MYO9A: variants seen among roughly 807,000 people sequenced by gnomAD.
MYO9A encodes the protein myosin IXA, also known as unconventional myosin-IXa.
In MYO9A, 103 loss-of-function variants were observed where a neutral mutation model predicts 293.3. That is an observed-to-expected ratio of 0.35 (90% confidence interval 0.30 to 0.41). MYO9A has a LOEUF of 0.41. MYO9A is among the 10% of genes least tolerant of loss of function. The probability of loss-of-function intolerance (pLI) is 1.00; values close to 1 mark genes in which losing one functional copy is unlikely to be tolerated. For synonymous variants in MYO9A, 1,001 were observed against 1,035.7 expected, an observed-to-expected ratio of 0.97 and a Z score of 0.64; for missense variants, 2,685 against 3,033.0, an observed-to-expected ratio of 0.89 and a Z score of 2.69.
chr15:71,893,719 G>T lies in MYO9A; in HGVS notation c.5102C>A (p.Ala1701Glu). Residue 1701 changes from alanine to glutamate, a missense_variant, in exon 26 of 42, where the codon GCA (alanine) becomes GAA (glutamate). Physicochemically the swap from Ala to Glu is moderately radical, Grantham distance 107 (BLOSUM62 -1). Transcript: ENST00000356056. Reference protein sequence around the residue: ...NPQLHKEDEPAWKPVKLAGPG... With the variant: ...NPQLHKEDEPEWKPVKLAGPG... ...CCCAGCTAACTTCACAGGTTTCCAT[G>T]CTGGTTCATCTTCTTTATGGAGTTG... is the stretch of plus-strand genomic sequence containing the variant. 1 of 1,613,956 alleles carries T rather than the reference G, an allele frequency of 6.2e-7. No homozygotes were observed. The highest frequency in any genetic ancestry group is 8.5e-7 in the Non-Finnish European group (1 of 1,179,922).
chr15:72,076,735 G>A (rs2079364246), intron 1 of MYO9A, among the ~76,000 whole-genome samples: 2 of 152,086 alleles, frequency 1.3e-5, no homozygotes, highest in African/African-American at 4.8e-5. Flanking sequence ...TGTGAATATT[G>A]ACAAACTTAT....
intron 9 of MYO9A, among the ~76,000 whole-genome samples, chr15:71,995,509 G>A (rs1259254046): frequency 6.8e-6 from 1 of 147,044 alleles, no homozygotes; most frequent in Non-Finnish European, 1.5e-5. Context: ...CTGTAAGTCT[G>A]AAATTGTTCT....
intron 1 of MYO9A, among the ~76,000 whole-genome samples, chr15:72,049,141 CTT>C (rs1277546502): frequency 2.0e-5 from 3 of 152,098 alleles, no homozygotes; most frequent in African/African-American, 7.2e-5. Flanking sequence ...GATGGAACTT[CTT>C]TTGTTTTTCA....
chr15:71,962,202 T>C lies in MYO9A; in HGVS notation c.1987-2106A>G, dbSNP rs143973865. 1.9e-3 allele frequency among the ~76,000 whole-genome samples: 285 copies of C among 152,316 alleles called. 2 individuals are homozygous for C. Among genetic ancestry groups the C allele is most frequent in the Middle Eastern group, 0.017 (5 of 294 alleles). The stretch of plus-strand genomic sequence containing the variant: ...AAGGGCCCAGCCTGATATTACAGCA[T>C]AGGCATTGACTATAATCTTACCAAA... On this transcript the variant is annotated intron_variant, in intron 13 of 41. Transcript: ENST00000356056.
intron 1 of MYO9A, among the ~76,000 whole-genome samples, chr15:72,073,410 G>T (rs2079252160): frequency 6.6e-6 from 1 of 152,166 alleles, no homozygotes; most frequent in Non-Finnish European, 1.5e-5. Flanking sequence ...AACAGCCATT[G>T]TATCTAGGCA....
chr15:72,085,360 TC>T (rs376508146), intron 1 of MYO9A, among the ~76,000 whole-genome samples: 215 of 149,234 alleles, frequency 1.4e-3, no homozygotes, highest in African/African-American at 4.7e-3. Context: ...GCCACTGCAC[TC>T]CAGCCTGGCG....
chr15:72,055,416 CAA>C (rs1464726245), intron 1 of MYO9A, among the ~76,000 whole-genome samples: 2 of 152,130 alleles, frequency 1.3e-5, no homozygotes, highest in Non-Finnish European at 2.9e-5. Context: ...TTGGCTTAGG[CAA>C]AGACTTTATG....
intron 19 of MYO9A, among the ~76,000 whole-genome samples, chr15:71,915,128 A>G (rs1300019090): frequency 6.6e-6 from 1 of 152,172 alleles, no homozygotes; most frequent in East Asian, 1.9e-4. Context: ...TTTATGTTGT[A>G]TATTAATAAA....
At chr15:72,112,644 T>G (rs1414919535) in intron 1 of MYO9A, among the ~76,000 whole-genome samples, 1 of 152,200 alleles carries the variant, frequency 6.6e-6, no homozygotes, top group African/African-American at 2.4e-5. Flanking sequence ...ATAACATAAA[T>G]TAGGTATGTT....
At chr15:71,974,494 A>AT (rs2076089069) in intron 12 of MYO9A, among the ~76,000 whole-genome samples, 1 of 152,008 alleles carries the variant, frequency 6.6e-6, no homozygotes, top group South Asian at 2.1e-4. Flanking sequence ...AACAACTATA[A>AT]TTTTTTTCTT....
chr15:71,831,639 A>G (rs111376557), intron 39 of MYO9A, among the ~76,000 whole-genome samples: 1 of 152,368 alleles, frequency 6.6e-6, no homozygotes, highest in African/African-American at 2.4e-5. Context: ...TTAATCTCAG[A>G]TTGCTAATAC....
At chr15:72,103,361 AAGCAGC>A (rs2080441259) in intron 1 of MYO9A, among the ~76,000 whole-genome samples, 3 of 149,802 alleles carry the variant, frequency 2.0e-5, no homozygotes. Flanking sequence ...GCAGAGACAG[AAGCAGC>A]AGCAGAAGCA....
At chr15:71,845,838 G>A (rs2055361725) in intron 39 of MYO9A, among the ~76,000 whole-genome samples, 1 of 152,156 alleles carries the variant, frequency 6.6e-6, no homozygotes, top group Non-Finnish European at 1.5e-5. Context: ...GTTATCTCAA[G>A]AAAGAGTATT....
chr15:71,948,440 G>A (rs972627005), intron 15 of MYO9A, among the ~76,000 whole-genome samples: 10 of 152,124 alleles, frequency 6.6e-5, no homozygotes, highest in Non-Finnish European at 1.5e-4. Flanking sequence ...GGAGAAAAAG[G>A]AGAACATTTT....
intron 2 of MYO9A, among the ~76,000 whole-genome samples, chr15:72,034,764 G>A (rs1271291128): frequency 2.0e-5 from 3 of 152,082 alleles, no homozygotes; most frequent in South Asian, 4.1e-4. Context: ...AAATAAAACC[G>A]TGGGCTTGGA....
intron 39 of MYO9A, 126 bp from the exon 40 acceptor site, chr15:71,830,437 G>T: frequency 3.4e-6 from 3 of 872,862 alleles, no homozygotes; most frequent in Non-Finnish European, 3.6e-6. Context: ...GAAACACTCT[G>T]CGAGGCCTAG....
At chr15:71,883,205 T>C (rs1487063202) in intron 28 of MYO9A, among the ~76,000 whole-genome samples, 1 of 152,188 alleles carries the variant, frequency 6.6e-6, no homozygotes. Context: ...ACTGACTTAA[T>C]AACCATAACA....
intron 28 of MYO9A, among the ~76,000 whole-genome samples, 186 bp downstream of exon 28, chr15:71,883,408 A>C (rs1163533265): frequency 6.6e-6 from 1 of 152,164 alleles, no homozygotes; most frequent in Non-Finnish European, 1.5e-5. Flanking sequence ...CATTTTTTGG[A>C]AACTTCTATT....
chr15:72,034,056 C>G (rs2077962794), intron 2 of MYO9A, among the ~76,000 whole-genome samples: 1 of 152,136 alleles, frequency 6.6e-6, no homozygotes, highest in East Asian at 1.9e-4. Context: ...CATATATACA[C>G]GGACGCACGC....
Sources: allele counts gnomAD v4.1 joint callset (sites outside exome capture counted in the v4.1 genomes callset), GRCh38; gene constraint gnomAD v4.1.1; transcripts MANE v1.5; gene names NCBI Gene and HGNC (gene_info 2026-07-23, HGNC 2026-07-21).